Variants in RALGPS1 observed in about 807,000 individuals in gnomAD.
The protein encoded by RALGPS1 is ras-specific guanine nucleotide-releasing factor RalGPS1.
In RALGPS1, 19 loss-of-function variants were observed where a neutral mutation model predicts 78.8. That is an observed-to-expected ratio of 0.24 (90% CI 0.17 to 0.35). The LOEUF is 0.35. RALGPS1 is among the 10% of genes least tolerant of loss of function. RALGPS1 has a pLI of 1.00. For synonymous variants in RALGPS1, 228 were observed against 256.3 expected (o/e 0.89, Z 1.06); for missense variants, 454 against 688.3 (o/e 0.66, Z 3.81).
At chr9:126,990,157 A>C (rs1450408398) in intron 4 of RALGPS1, 2 of 820,834 alleles carry the variant, frequency 2.4e-6, no homozygotes, top group Non-Finnish European at 3.7e-6. Context: ...GAATGTGGCC[A>C]GCAGGCAGTC....
intron 4 of RALGPS1, among the ~76,000 whole-genome samples, chr9:127,001,086 TACAAAACAAAACAAAACAAA>T (rs60748253): frequency 4.4e-4 from 60 of 137,716 alleles, no homozygotes; most frequent in South Asian, 2.3e-3. Flanking sequence ...ACTCTGTCTC[TACAAAACAAAACAAAACAAA>T]ACAAAACAAA....
At chr9:127,117,715 A>G (rs2055582046) in intron 8 of RALGPS1, among the ~76,000 whole-genome samples, 1 of 152,228 alleles carries the variant, frequency 6.6e-6, no homozygotes, top group Non-Finnish European at 1.5e-5. Context: ...TGATTCATTC[A>G]TTCCACAGAT....
rs556074251 is a variant in RALGPS1, at chr9:126,970,755, A to G, written c.165+4804A>G. Among the ~76,000 whole-genome samples, 15 of 152,340 alleles carry G rather than the reference A, an allele frequency of 9.8e-5. No homozygotes were observed. The South Asian group carries it at 2.7e-3, about 27-fold the overall frequency. ...GGTACTCTGAACCATATTGCCCTGT[A>G]AAAGCTCAGGAAAACTAATTTTGCA... On this transcript the variant is annotated intron_variant, in intron 3 of 18. Coordinates refer to ENST00000259351, the MANE Select transcript of RALGPS1 (RefSeq NM_014636.3).
At chr9:127,075,567 G>A (rs1366209250) in intron 8 of RALGPS1, among the ~76,000 whole-genome samples, 2 of 152,208 alleles carry the variant, frequency 1.3e-5, no homozygotes, top group African/African-American at 4.8e-5. Context: ...TATAATTCCT[G>A]GAAAGTACAA....
chr9:127,205,448 CAG>C lies in RALGPS1; in HGVS notation c.1247+6388_1247+6389del, dbSNP rs2140908396. On this transcript the variant is annotated intron_variant, in intron 14 of 18. Coordinates refer to ENST00000259351, the MANE Select transcript of RALGPS1 (RefSeq NM_014636.3). The surrounding 1 kb of genome is among the most constrained non-coding windows in gnomAD (Gnocchi z 4.0). The stretch of plus-strand genomic sequence containing the variant: ...CAGCCAGCAGACTGAGAGAAGTCTG[CAG>C]AGAGAAGAGTGCACAAAGAACCCCT... Among the ~76,000 whole-genome samples, 1 of 152,364 alleles carries C rather than the reference CAG, an allele frequency of 6.6e-6. No individual in the cohort carries two copies. The highest frequency in any genetic ancestry group is 2.1e-4 in the South Asian group (1 of 4,830).
At position 127,220,736 on chromosome 9, in the gene RALGPS1, A is replaced by G. The variant is rs1286009571; in HGVS notation, c.*1967A>G. 6.6e-6 allele frequency: 1 copy of G among 152,360 alleles called. No homozygotes were observed. Among genetic ancestry groups the G allele is most frequent in the African/African-American group, 2.4e-5 (1 of 41,464 alleles). 9.4% of individuals were successfully genotyped at this position (152,360 alleles called of 1,614,324 possible). A position where few individuals can be genotyped will look rare whatever the true frequency, so the allele number is the denominator to read the frequency against. On this transcript the variant is annotated 3_prime_UTR_variant, in exon 19 of 19. Coordinates refer to ENST00000259351, the MANE Select transcript of RALGPS1 (RefSeq NM_014636.3). ...TTTTAAAAAGTCGTAAGTTTGGATG[A>G]AAGTGCAAGATGTGGAACATCAACT...
At chr9:127,101,663 G>A (rs1463712222) in intron 8 of RALGPS1, among the ~76,000 whole-genome samples, 1 of 152,178 alleles carries the variant, frequency 6.6e-6, no homozygotes, top group Non-Finnish European at 1.5e-5. Context: ...AAGGAAACCT[G>A]CTTTGTGGGA....
intron 4 of RALGPS1, among the ~76,000 whole-genome samples, chr9:127,022,409 C>T (rs746087393): frequency 6.6e-6 from 1 of 152,016 alleles, no homozygotes; most frequent in Non-Finnish European, 1.5e-5. Flanking sequence ...CCCTCTCTGC[C>T]GTGCTCTCCC....
At chr9:127,169,700 CA>C (rs2059466559) in intron 10 of RALGPS1, among the ~76,000 whole-genome samples, 1 of 152,186 alleles carries the variant, frequency 6.6e-6, no homozygotes, top group Non-Finnish European at 1.5e-5. Flanking sequence ...GGTGCGAAAG[CA>C]ACGCACATTC....
chr9:126,992,754 A>G (rs374128121), intron 4 of RALGPS1, among the ~76,000 whole-genome samples: 5 of 152,358 alleles, frequency 3.3e-5, no homozygotes, highest in East Asian at 1.9e-4. Flanking sequence ...TGCATTGTAT[A>G]GGCCTTATAC....
At chr9:127,125,425 A>C (rs538012704) in intron 8 of RALGPS1, among the ~76,000 whole-genome samples, 46 of 152,282 alleles carry the variant, frequency 3.0e-4, no homozygotes, top group African/African-American at 1.0e-3. Context: ...CTCTCTCACT[A>C]ATCTCGGGCA....
intron 8 of RALGPS1, among the ~76,000 whole-genome samples, chr9:127,095,127 G>A (rs1278776978): frequency 2.6e-5 from 4 of 152,218 alleles, no homozygotes; most frequent in Non-Finnish European, 4.4e-5. Context: ...GGCCGGGCAC[G>A]GTGGCTCACG....
intron 8 of RALGPS1, among the ~76,000 whole-genome samples, chr9:127,081,190 C>T (rs533050237): frequency 5.3e-5 from 8 of 152,250 alleles, no homozygotes; most frequent in African/African-American, 1.2e-4. Context: ...TATTATCCAC[C>T]GTGTTTTATT....
chr9:126,962,465 C>G, intron 2 of RALGPS1, 119 bp downstream of exon 2: 1 of 1,011,456 alleles, frequency 9.9e-7, no homozygotes, highest in South Asian at 1.4e-5. Flanking sequence ...CCATTCTTAG[C>G]ACTCCTAAGG....
At chr9:127,028,821 C>T (rs879035954) in intron 4 of RALGPS1, among the ~76,000 whole-genome samples, 2 of 152,152 alleles carry the variant, frequency 1.3e-5, no homozygotes, top group Admixed American at 1.3e-4. Flanking sequence ...GAAAGTCAGG[C>T]ACTGAGAGTT....
Position 127,108,422 on chromosome 9 carries a change from C to T in RALGPS1, c.610+39066C>T, listed in dbSNP as rs781380989. On this transcript the variant is annotated intron_variant, in intron 8 of 18. Coordinates refer to ENST00000259351, the MANE Select transcript of RALGPS1 (RefSeq NM_014636.3). Reference sequence around the variant, plus strand: ...ACCTCCACCAGCTGCTGCAGCGTCTCGATCTGCCGCTTCTGCTTGAGCAGC... The same window carrying T: ...ACCTCCACCAGCTGCTGCAGCGTCTTGATCTGCCGCTTCTGCTTGAGCAGC... 18 of 1,608,426 alleles carry T rather than the reference C, an allele frequency of 1.1e-5. No homozygotes were observed. Among genetic ancestry groups the T allele is most frequent in the Admixed American group, 8.4e-5 (5 of 59,858 alleles).
At chr9:127,042,948 A>C (rs1435401068) in intron 5 of RALGPS1, among the ~76,000 whole-genome samples, 1 of 152,224 alleles carries the variant, frequency 6.6e-6, no homozygotes, top group Non-Finnish European at 1.5e-5. Flanking sequence ...TAAAACTTAG[A>C]TATACCTCTA....
At chr9:126,993,145 T>A (rs1374712767) in intron 4 of RALGPS1, among the ~76,000 whole-genome samples, 1 of 152,244 alleles carries the variant, frequency 6.6e-6, no homozygotes, top group Non-Finnish European at 1.5e-5. Context: ...ATGGTTTTTC[T>A]TTTTCAGTCT....
chr9:127,139,292 GA>G (rs2057610236), intron 8 of RALGPS1, among the ~76,000 whole-genome samples: 1 of 152,168 alleles, frequency 6.6e-6, no homozygotes, highest in Non-Finnish European at 1.5e-5. Context: ...TCTGACTAGT[GA>G]GGCTTCAGGA....
Sources: allele counts gnomAD v4.1 joint callset (sites outside exome capture counted in the v4.1 genomes callset), GRCh38; gene constraint gnomAD v4.1.1; non-coding constraint Gnocchi (gnomAD v3.1); transcripts MANE v1.5; gene names NCBI Gene and HGNC (gene_info 2026-07-23, HGNC 2026-07-21).